Variants in TBC1D5 observed in about 807,000 individuals in gnomAD.
The protein encoded by TBC1D5 is TBC1 domain family, member 5.
A neutral mutation model predicts 100.3 loss-of-function variants in TBC1D5; 75 were observed. The observed-to-expected ratio is 0.75, with a 90% CI of 0.62 to 0.91. The LOEUF (loss-of-function observed/expected upper bound fraction) is 0.91, where lower values mean the gene tolerates loss of function less well. Ranked by LOEUF, TBC1D5 falls within the 40% of genes least tolerant of loss-of-function variation. TBC1D5 has a pLI of 0.00. For synonymous variants in TBC1D5, 323 were observed against 325.6 expected (o/e 0.99, Z 0.09); for missense variants, 910 against 942.4 (o/e 0.97, Z 0.45).
intron 2 of TBC1D5, among the ~76,000 whole-genome samples, chr3:17,602,939 G>A (rs1426812687): frequency 6.6e-6 from 1 of 152,010 alleles, no homozygotes; most frequent in Non-Finnish European, 1.5e-5. Flanking sequence ...AGGTTGGCCA[G>A]ACGGAACCAA....
chr3:17,507,971 T>C (rs537779953), intron 3 of TBC1D5, among the ~76,000 whole-genome samples: 2 of 152,220 alleles, frequency 1.3e-5, no homozygotes, highest in East Asian at 3.9e-4. Flanking sequence ...CTTAATAATT[T>C]CAGTGTATAG....
At chr3:17,414,438 A>G (rs2094012359) in intron 4 of TBC1D5, among the ~76,000 whole-genome samples, 2 of 152,212 alleles carry the variant, frequency 1.3e-5, no homozygotes, top group African/African-American at 4.8e-5. Context: ...ATTTCAATCA[A>G]TGCCAAGCAC....
intron 3 of TBC1D5, among the ~76,000 whole-genome samples, chr3:17,494,528 G>A (rs769499102): frequency 6.6e-6 from 1 of 152,240 alleles, no homozygotes; most frequent in African/African-American, 2.4e-5. Context: ...TAAGTCTGCT[G>A]ATGGGCAGAG....
intron 2 of TBC1D5, among the ~76,000 whole-genome samples, chr3:17,588,319 A>G (rs1305113402): frequency 6.6e-6 from 1 of 152,002 alleles, no homozygotes; most frequent in Non-Finnish European, 1.5e-5. Flanking sequence ...CTCTACAGTA[A>G]GACTATATGA....
At chr3:17,157,513 C>CTCT (rs1316557751) in exon 22 of TBC1D5, 21 of 152,302 alleles carry the variant, frequency 1.4e-4, no homozygotes, top group Non-Finnish European at 2.9e-5. Context: ...TGTATCCGGC[C>CTCT]TCTTCTCTCT....
chr3:17,677,479 C>A (rs1480190308), intron 1 of TBC1D5, among the ~76,000 whole-genome samples: 4 of 152,116 alleles, frequency 2.6e-5, no homozygotes, highest in Non-Finnish European at 5.9e-5. Context: ...GAATGGTGAT[C>A]ATTAAAAAGT....
At chr3:17,632,839 T>C (rs1051610771) in intron 1 of TBC1D5, among the ~76,000 whole-genome samples, 2 of 152,212 alleles carry the variant, frequency 1.3e-5, no homozygotes, top group African/African-American at 4.8e-5. Flanking sequence ...ATGATTTTTA[T>C]ATGCACTGAG....
At chr3:17,265,613 C>T (rs1159592452) in intron 15 of TBC1D5, among the ~76,000 whole-genome samples, 1 of 152,084 alleles carries the variant, frequency 6.6e-6, no homozygotes, top group East Asian at 1.9e-4. Flanking sequence ...CTCAGGACCC[C>T]AAAGGCAAAG....
chr3:17,337,785 C>T (rs2088171633), intron 13 of TBC1D5: 1 of 152,128 alleles, frequency 6.6e-6, no homozygotes, highest in South Asian at 2.1e-4. Context: ...CATATTTTTA[C>T]AATAACTGTT....
At chr3:17,620,206 C>A (rs1361582105) in intron 2 of TBC1D5, among the ~76,000 whole-genome samples, 2 of 152,194 alleles carry the variant, frequency 1.3e-5, no homozygotes, top group Non-Finnish European at 2.9e-5. Flanking sequence ...TAGCTCACTG[C>A]AGCCTTGAAC....
At chr3:17,586,749 A>G (rs2153551492) in intron 2 of TBC1D5, among the ~76,000 whole-genome samples, 1 of 152,186 alleles carries the variant, frequency 6.6e-6, no homozygotes, top group South Asian at 2.1e-4. Context: ...TCCTTCACCT[A>G]TTTTAACTCC....
intron 3 of TBC1D5, among the ~76,000 whole-genome samples, chr3:17,435,314 A>G (rs532257157): frequency 2.0e-5 from 3 of 152,116 alleles, no homozygotes; most frequent in Non-Finnish European, 4.4e-5. Context: ...GTACCAATTT[A>G]CTGTATTAGT....
At chr3:17,528,525 A>C (rs908659329) in intron 2 of TBC1D5, among the ~76,000 whole-genome samples, 1 of 152,156 alleles carries the variant, frequency 6.6e-6, no homozygotes, top group Non-Finnish European at 1.5e-5. Flanking sequence ...GTTCCTTGTA[A>C]ATTATCCAGT....
chr3:17,163,514 G>A (rs1256782756), intron 21 of TBC1D5, among the ~76,000 whole-genome samples: 1 of 152,068 alleles, frequency 6.6e-6, no homozygotes, highest in Non-Finnish European at 1.5e-5. Context: ...ACCCAATACA[G>A]GTAAGTCTTA....
chr3:17,353,343 T>C (rs983873327), intron 13 of TBC1D5, among the ~76,000 whole-genome samples: 2 of 152,198 alleles, frequency 1.3e-5, no homozygotes, highest in South Asian at 4.1e-4. Context: ...AGCAAGAGTA[T>C]AAGGTCCATA....
intron 13 of TBC1D5, among the ~76,000 whole-genome samples, chr3:17,322,270 T>C (rs1289391161): frequency 1.3e-5 from 2 of 152,220 alleles, no homozygotes; most frequent in Non-Finnish European, 2.9e-5. Context: ...CCTCTGCAAA[T>C]TGTTTTGTTT....
At chr3:17,223,594 C>T (rs1328732354) in intron 17 of TBC1D5, among the ~76,000 whole-genome samples, 1 of 152,178 alleles carries the variant, frequency 6.6e-6, no homozygotes, top group Non-Finnish European at 1.5e-5. Context: ...GGTGCGGTGG[C>T]TCACACCTGT....
intron 18 of TBC1D5, among the ~76,000 whole-genome samples, chr3:17,210,847 G>GT (rs1240630466): frequency 4.0e-5 from 6 of 151,886 alleles, no homozygotes; most frequent in Non-Finnish European, 5.9e-5. Flanking sequence ...ATTTTCTTAT[G>GT]TTTTTTCTCT....
At chr3:17,349,371 A>T (rs2090288413) in intron 13 of TBC1D5, among the ~76,000 whole-genome samples, 1 of 152,200 alleles carries the variant, frequency 6.6e-6, no homozygotes, top group Non-Finnish European at 1.5e-5. Flanking sequence ...TTCTGGGATG[A>T]CACTTGAGAA....
Sources: allele counts gnomAD v4.1 joint callset (sites outside exome capture counted in the v4.1 genomes callset), GRCh38; gene constraint gnomAD v4.1.1; transcripts MANE v1.5; gene names NCBI Gene and HGNC (gene_info 2026-07-23, HGNC 2026-07-21).